The following ARHGAP26 variants were observed in gnomAD, a reference collection of about 807,000 sequenced individuals.
ARHGAP26 encodes Rho GTPase activating protein 26.
ARHGAP26 carries 38 observed loss-of-function variants against 104.8 expected under a neutral mutation model. That is an observed-to-expected ratio of 0.36 (90% CI 0.28 to 0.48). The LOEUF (loss-of-function observed/expected upper bound fraction) is 0.48, where lower values mean the gene tolerates loss of function less well. Among genes scored for constraint, ARHGAP26 ranks in the 20% least tolerant of loss-of-function variants. ARHGAP26 has a pLI of 0.99. For missense variants in ARHGAP26, 704 were observed against 947.9 expected (o/e 0.74, Z 3.38); for synonymous variants, 341 against 340.0 (o/e 1.00, Z -0.03).
At chr5:142,785,567 C>T (rs1466682190) in intron 1 of ARHGAP26, among the ~76,000 whole-genome samples, 1 of 152,182 alleles carries the variant, frequency 6.6e-6, no homozygotes, top group African/African-American at 2.4e-5. Context: ...ACCCCAAATC[C>T]AGTAGGTAGA....
At chr5:143,054,810 C>G (rs1429007131) in intron 15 of ARHGAP26, among the ~76,000 whole-genome samples, 1 of 152,176 alleles carries the variant, frequency 6.6e-6, no homozygotes, top group Non-Finnish European at 1.5e-5. Context: ...ATGGGGTCTT[C>G]CCCGAAGTCC....
intron 20 of ARHGAP26, among the ~76,000 whole-genome samples, chr5:143,173,680 C>CT (rs1288850833): frequency 1.3e-5 from 2 of 152,184 alleles, no homozygotes; most frequent in South Asian, 2.1e-4. Context: ...TCCACAAAAT[C>CT]TAACTGCAGA....
rs148984850 is a variant in ARHGAP26 at position 143,181,982 on chromosome 5, C to T, written c.1989-25216C>T. Among the ~76,000 whole-genome samples, 188 of 152,258 alleles carry T rather than the reference C, an allele frequency of 1.2e-3. 4 individuals carry two copies. The highest frequency in any genetic ancestry group is 3.9e-4 in the East Asian group (2 of 5,178). On this transcript the variant is annotated intron_variant, in intron 20 of 22. Transcript: ENST00000645722. ...GACACGGCTGCCTCCCTGGCTTGTA[C>T]GCTCCTGTGCTTATTCTTGTCCCCG...
At chr5:143,201,509 G>C (rs1459622117) in intron 20 of ARHGAP26, among the ~76,000 whole-genome samples, 2 of 152,164 alleles carry the variant, frequency 1.3e-5, no homozygotes, top group Non-Finnish European at 2.9e-5. Context: ...GTGAGGGGCA[G>C]GAGGGAGCAA....
chr5:143,096,684 C>T (rs910530824), intron 17 of ARHGAP26, among the ~76,000 whole-genome samples: 4 of 141,776 alleles, frequency 2.8e-5, no homozygotes, highest in African/African-American at 1.0e-4. Context: ...TAAAGCTAGG[C>T]TTTTTTTTTT....
chr5:143,212,302 T>C (rs1809587167), intron 21 of ARHGAP26, among the ~76,000 whole-genome samples: 1 of 151,552 alleles, frequency 6.6e-6, no homozygotes, highest in Non-Finnish European at 1.5e-5. Flanking sequence ...TTATCTGTTT[T>C]AGCACTTTTC....
chr5:143,077,030 G>C (rs1479195229), intron 17 of ARHGAP26, among the ~76,000 whole-genome samples: 1 of 152,200 alleles, frequency 6.6e-6, no homozygotes, highest in Non-Finnish European at 1.5e-5. Flanking sequence ...AGTTTTTCTA[G>C]ATAGTGCCAC....
At chr5:143,207,029 G>T (rs371508031) in intron 20 of ARHGAP26, among the ~76,000 whole-genome samples, 169 bp from the exon 21 acceptor site, 1 of 152,210 alleles carries the variant, frequency 6.6e-6, no homozygotes, top group East Asian at 1.9e-4. Flanking sequence ...TTACTTGGAC[G>T]TGGAGATTTG....
At chr5:143,134,250 T>G in intron 19 of ARHGAP26, 145 bp downstream of exon 19, 1 of 948,614 alleles carries the variant, frequency 1.1e-6, no homozygotes, top group Non-Finnish European at 1.5e-6. Context: ...CCCTCCCAAG[T>G]GCCTTTGCTG....
intron 11 of ARHGAP26, among the ~76,000 whole-genome samples, chr5:142,955,260 C>G (rs1245339359): frequency 6.6e-6 from 1 of 152,058 alleles, no homozygotes. Context: ...TGATCATTAC[C>G]ACTGCTCTCC....
intron 14 of ARHGAP26, among the ~76,000 whole-genome samples, chr5:143,050,251 G>A (rs1489689637): frequency 6.6e-6 from 1 of 152,088 alleles, no homozygotes; most frequent in Non-Finnish European, 1.5e-5. Context: ...TTAAAAATTT[G>A]TGTCCCTTTT....
At chr5:143,004,534 T>G (rs1221360855) in intron 11 of ARHGAP26, among the ~76,000 whole-genome samples, 1 of 152,146 alleles carries the variant, frequency 6.6e-6, no homozygotes, top group Non-Finnish European at 1.5e-5. Flanking sequence ...CTTAGGTCTG[T>G]GTGTAAGAGG....
At chr5:143,201,175 C>T (rs1807657632) in intron 20 of ARHGAP26, among the ~76,000 whole-genome samples, 1 of 152,166 alleles carries the variant, frequency 6.6e-6, no homozygotes, top group Non-Finnish European at 1.5e-5. Context: ...CCAAACCAGA[C>T]CAGCAAATGT....
At chr5:142,928,266 C>G (rs2152523678) in intron 10 of ARHGAP26, among the ~76,000 whole-genome samples, 2 of 143,172 alleles carry the variant, frequency 1.4e-5, no homozygotes, top group Middle Eastern at 7.0e-3. Flanking sequence ...ATTGCCTTTT[C>G]CATCTCTTGA....
chr5:142,832,069 C>G (rs983632128), intron 1 of ARHGAP26, among the ~76,000 whole-genome samples: 5 of 152,164 alleles, frequency 3.3e-5, no homozygotes, highest in Admixed American at 2.6e-4. Context: ...TACACATGTC[C>G]TTTGGTATAC....
At chr5:142,851,557 A>C (rs1332126544) in intron 1 of ARHGAP26, among the ~76,000 whole-genome samples, 1 of 152,200 alleles carries the variant, frequency 6.6e-6, no homozygotes, top group Non-Finnish European at 1.5e-5. Flanking sequence ...GCTCATGCAC[A>C]AGAACTGAGT....
At chr5:142,795,056 T>A (rs977100114) in intron 1 of ARHGAP26, among the ~76,000 whole-genome samples, 2 of 152,108 alleles carry the variant, frequency 1.3e-5, no homozygotes, top group African/African-American at 2.4e-5. Flanking sequence ...TTCTTTTTTT[T>A]TAAAAAAATT....
chr5:142,899,014 A>G (rs1178752179), intron 6 of ARHGAP26, among the ~76,000 whole-genome samples: 1 of 152,166 alleles, frequency 6.6e-6, no homozygotes, highest in African/African-American at 2.4e-5. Flanking sequence ...CTTTCCTCCT[A>G]GCTTCCCGTG....
intron 18 of ARHGAP26, among the ~76,000 whole-genome samples, chr5:143,129,238 C>T (rs1008370406): frequency 6.6e-6 from 1 of 152,186 alleles, no homozygotes; most frequent in African/African-American, 2.4e-5. Flanking sequence ...ATCCTCATGT[C>T]CTGACTGCAA....
Sources: allele counts gnomAD v4.1 joint callset (sites outside exome capture counted in the v4.1 genomes callset), GRCh38; gene constraint gnomAD v4.1.1; transcripts MANE v1.5; gene names NCBI Gene and HGNC (gene_info 2026-07-23, HGNC 2026-07-21).